The following LMX1A variants were observed in gnomAD, a reference collection of about 807,000 sequenced individuals.
LMX1A encodes LIM homeobox transcription factor 1-alpha.
LMX1A carries 15 observed loss-of-function variants against 49.1 expected under a neutral mutation model. The ratio of observed to expected loss-of-function variants is 0.31; its 90% CI spans 0.20 to 0.47. The LOEUF (loss-of-function observed/expected upper bound fraction) is 0.47, where lower values mean the gene tolerates loss of function less well. Ranked by LOEUF, LMX1A falls within the 20% of genes least tolerant of loss-of-function variation. LMX1A has a pLI of 1.00. For synonymous variants in LMX1A, 167 were observed against 185.7 expected (o/e 0.90, Z 0.82); for missense variants, 372 against 475.8 (o/e 0.78, Z 2.03).
At chr1:165,330,783 G>C (rs1655723554) in intron 3 of LMX1A, among the ~76,000 whole-genome samples, 1 of 152,176 alleles carries the variant, frequency 6.6e-6, no homozygotes, top group African/African-American at 2.4e-5. Flanking sequence ...GGTAAACACA[G>C]CAGCTAGAAA....
chr1:165,279,074 C>A (rs1305339189), intron 3 of LMX1A, among the ~76,000 whole-genome samples: 1 of 152,242 alleles, frequency 6.6e-6, no homozygotes, highest in Admixed American at 6.5e-5. Flanking sequence ...TAAACTTCTA[C>A]CACCAGCTGT....
chr1:165,284,343 CATTT>C (rs758278595), intron 3 of LMX1A, among the ~76,000 whole-genome samples: 1 of 152,180 alleles, frequency 6.6e-6, no homozygotes, highest in South Asian at 2.1e-4. Flanking sequence ...TTATTGATTT[CATTT>C]GATACTATCT....
At chr1:165,260,914 T>A (rs1005692039) in intron 3 of LMX1A, among the ~76,000 whole-genome samples, 1 of 152,190 alleles carries the variant, frequency 6.6e-6, no homozygotes, top group Non-Finnish European at 1.5e-5. Context: ...AGTTCAAGGA[T>A]CTCAAAGCAC....
intron 4 of LMX1A, among the ~76,000 whole-genome samples, chr1:165,227,576 C>T (rs886446403): frequency 3.9e-5 from 6 of 151,950 alleles, no homozygotes; most frequent in African/African-American, 1.2e-4. Context: ...TACATACATA[C>T]AATGCAGAGC....
chr1:165,314,607 A>G (rs1023803806), intron 3 of LMX1A, among the ~76,000 whole-genome samples: 3 of 151,592 alleles, frequency 2.0e-5, no homozygotes, highest in South Asian at 4.2e-4. Context: ...TTCTTCCAAT[A>G]TCTTTTTTTT....
chr1:165,325,491 T>C (rs528193826), intron 3 of LMX1A, among the ~76,000 whole-genome samples: 2 of 146,284 alleles, frequency 1.4e-5, no homozygotes, highest in South Asian at 4.4e-4. Context: ...ATACATTCTT[T>C]CCAACACTGT....
intron 4 of LMX1A, among the ~76,000 whole-genome samples, chr1:165,232,660 C>T (rs1046016806): frequency 1.8e-4 from 28 of 152,234 alleles, no homozygotes; most frequent in African/African-American, 6.5e-4. Context: ...CTGCTTCATA[C>T]ACACAGATCC....
chr1:165,241,642 T>A (rs1652658846), intron 4 of LMX1A, among the ~76,000 whole-genome samples: 1 of 152,190 alleles, frequency 6.6e-6, no homozygotes, highest in Admixed American at 6.5e-5. Context: ...ACCTTTTCTA[T>A]CTTTCACTGG....
intron 3 of LMX1A, 40 bp from the exon 4 acceptor site, chr1:165,249,680 A>G (rs1480057695): frequency 6.5e-7 from 1 of 1,547,760 alleles, no homozygotes; most frequent in Admixed American, 1.8e-5. Context: ...ACCATGAGTA[A>G]AATCTGGCTT....
At chr1:165,313,622 G>A (rs1313602760) in intron 3 of LMX1A, among the ~76,000 whole-genome samples, 1 of 151,996 alleles carries the variant, frequency 6.6e-6, no homozygotes, top group Non-Finnish European at 1.5e-5. Context: ...GGGAGCTATT[G>A]CCAGCCCTAG....
rs1335371038 is a variant in LMX1A at position 165,213,640 on chromosome 1, C to T, written c.669+1G>A. ...CTTTTCCTCCCTGCTCCCTCCTATA[C>T]CTTCCTGCAGGGCTTGGAGGATACT... On this transcript the variant is annotated splice_donor_variant, in intron 5 of 8. Transcript: ENST00000342310. LOFTEE classifies it high-confidence loss of function. 1 of 1,613,460 alleles carries T rather than the reference C, an allele frequency of 6.2e-7. No individual in the cohort carries two copies. Among genetic ancestry groups the T allele is most frequent in the African/African-American group, 1.3e-5 (1 of 75,032 alleles).
intron 3 of LMX1A, among the ~76,000 whole-genome samples, chr1:165,265,931 T>C (rs552234237): frequency 5.3e-5 from 8 of 152,150 alleles, no homozygotes; most frequent in Non-Finnish European, 1.2e-4. Context: ...CAAGGATCCT[T>C]ATAATTAGTA....
chr1:165,210,311 C>T (rs975218978), intron 6 of LMX1A, among the ~76,000 whole-genome samples: 18 of 152,172 alleles, frequency 1.2e-4, no homozygotes, highest in African/African-American at 4.3e-4. Flanking sequence ...GGCACTCATT[C>T]TACCCTGTCA....
In LMX1A at chr1:165,218,016, T is replaced by G. The variant is rs150277288; in HGVS notation, c.497-4203A>C. Among the ~76,000 whole-genome samples the G allele has an allele frequency of 1.2e-3, 190 of 152,344 alleles. 2 individuals are homozygous for G. In the Middle Eastern group the frequency reaches 0.041, roughly 33 times the overall value. On this transcript the variant is annotated intron_variant, in intron 4 of 8. Transcript: ENST00000342310. ...GCCTCACAGTCTCTGTTGCAGCTACTCAACTCTGCAATTGTAGCACAGAAA... is the reference window on the plus strand; with the variant it reads ...GCCTCACAGTCTCTGTTGCAGCTACGCAACTCTGCAATTGTAGCACAGAAA...
intron 3 of LMX1A, among the ~76,000 whole-genome samples, chr1:165,347,041 A>T (rs1656267973): frequency 6.6e-6 from 1 of 152,236 alleles, no homozygotes; most frequent in African/African-American, 2.4e-5. Flanking sequence ...TTGGTCAATG[A>T]TAACGTAACT....
At chr1:165,262,956 G>C (rs748143060) in intron 3 of LMX1A, among the ~76,000 whole-genome samples, 3 of 152,038 alleles carry the variant, frequency 2.0e-5, no homozygotes, top group Admixed American at 6.6e-5. Context: ...ACAGTGTTTA[G>C]TCCTCATTGT....
chr1:165,275,043 T>G (rs1433149677), intron 3 of LMX1A, among the ~76,000 whole-genome samples: 1 of 152,186 alleles, frequency 6.6e-6, no homozygotes, highest in Admixed American at 6.5e-5. Context: ...TTGGTCTTAT[T>G]TTAATTTTTA....
chr1:165,258,754 GACTA>G (rs1282217594), intron 3 of LMX1A, among the ~76,000 whole-genome samples: 13 of 152,174 alleles, frequency 8.5e-5, no homozygotes, highest in African/African-American at 1.9e-4. Context: ...TGAAATGGTA[GACTA>G]ACTAAGTGCT....
intron 8 of LMX1A, among the ~76,000 whole-genome samples, chr1:165,205,254 G>A (rs766399387): frequency 6.6e-6 from 1 of 152,064 alleles, no homozygotes; most frequent in Non-Finnish European, 1.5e-5. Context: ...CCCTACTCTG[G>A]GTCCTCAGGC....
Sources: allele counts gnomAD v4.1 joint callset (sites outside exome capture counted in the v4.1 genomes callset), GRCh38; gene constraint gnomAD v4.1.1; transcripts MANE v1.5; gene names NCBI Gene and HGNC (gene_info 2026-07-23, HGNC 2026-07-21).